EYS: variants seen among roughly 807,000 people sequenced by gnomAD.
The protein encoded by EYS is EGF-like photoreceptor maintenance factor.
Under a neutral mutation model 282.1 loss-of-function variants are expected in EYS, and 250 were observed. The observed-to-expected ratio is 0.89, with a 90% CI of 0.80 to 0.98. The LOEUF is 0.98. Among genes scored for constraint, EYS ranks in the 50% least tolerant of loss-of-function variants. EYS has a pLI of 0.00. For synonymous variants in EYS, 1,355 were observed against 1,282.9 expected, an observed-to-expected ratio of 1.06 and a Z score of -1.20; for missense variants, 4,016 against 3,709.0, an observed-to-expected ratio of 1.08 and a Z score of -2.15.
chr6:64,545,359 T>C (rs1430592597), intron 26 of EYS, among the ~76,000 whole-genome samples: 1 of 152,158 alleles, frequency 6.6e-6, no homozygotes, highest in East Asian at 1.9e-4. Flanking sequence ...TAGGTATTGA[T>C]GGGACGTATC....
intron 22 of EYS, among the ~76,000 whole-genome samples, chr6:64,759,160 GAAAA>G (rs55865013): frequency 0.88 from 133,683 of 151,586 alleles, 60,660 homozygotes; most frequent in Non-Finnish European, 0.99. Flanking sequence ...GAAAAGAAAA[GAAAA>G]AAAATTAGTC....
chr6:64,115,605 TAG>T (rs1344688377), intron 31 of EYS, among the ~76,000 whole-genome samples: 4 of 152,164 alleles, frequency 2.6e-5, no homozygotes, highest in Non-Finnish European at 1.5e-5. Context: ...TGGAACTGCA[TAG>T]AGTCTTTACA....
intron 10 of EYS, among the ~76,000 whole-genome samples, chr6:65,340,811 C>G (rs1335916858): frequency 6.6e-6 from 1 of 151,078 alleles, no homozygotes; most frequent in Non-Finnish European, 1.5e-5. Context: ...GTCTGGTGGT[C>G]TTTTGGAGGG....
intron 8 of EYS, among the ~76,000 whole-genome samples, chr6:65,379,602 G>A (rs1314122980): frequency 1.3e-5 from 2 of 152,006 alleles, no homozygotes; most frequent in African/African-American, 4.8e-5. Flanking sequence ...ACATAATGTT[G>A]GAAGTTCTGG....
intron 22 of EYS, among the ~76,000 whole-genome samples, chr6:64,687,858 T>A (rs1344402282): frequency 6.6e-6 from 1 of 152,186 alleles, no homozygotes; most frequent in African/African-American, 2.4e-5. Context: ...CCTGGAATTT[T>A]TTTTGGTTGG....
chr6:65,550,143 C>CTTTTTTTT lies in EYS; in HGVS notation c.-332-54158_-332-54151dup, dbSNP rs1048251073. Among the ~76,000 whole-genome samples, 15 of 5,932 alleles carry CTTTTTTTT rather than the reference C, an allele frequency of 2.5e-3. 1 individual carries two copies. The highest frequency in any genetic ancestry group is 3.0e-3 in the Admixed American group (1 of 338). The allele number at this position is 5,932 out of a possible 152,430, so 3.9% of individuals were successfully genotyped here. A position where few individuals can be genotyped will look rare whatever the true frequency, so the allele number is the denominator to read the frequency against. ...AAGTTAGTATCTGACTCTACTATAT[C>CTTTTTTTT]TTTTTTTTTTTTTTTTTTTTTTTTT... On this transcript the variant is annotated intron_variant, in intron 2 of 42. Coordinates refer to ENST00000503581, the MANE Select transcript of EYS (RefSeq NM_001142800.2).
intron 29 of EYS, among the ~76,000 whole-genome samples, chr6:64,360,380 C>A (rs1771963148): frequency 6.6e-6 from 1 of 151,654 alleles, no homozygotes; most frequent in Admixed American, 6.6e-5. Flanking sequence ...GAACACAGGC[C>A]ATCACTGGAG....
At chr6:64,862,320 G>T (rs1167287117) in intron 19 of EYS, among the ~76,000 whole-genome samples, 1 of 152,084 alleles carries the variant, frequency 6.6e-6, no homozygotes, top group African/African-American at 2.4e-5. Context: ...GTGTATGAAG[G>T]TTTGTCTTGT....
intron 12 of EYS, among the ~76,000 whole-genome samples, chr6:65,271,964 AT>A (rs918918163): frequency 1.3e-5 from 2 of 152,122 alleles, no homozygotes; most frequent in African/African-American, 4.8e-5. Flanking sequence ...CCTGAATTTG[AT>A]TTTCAGCATT....
intron 24 of EYS, among the ~76,000 whole-genome samples, chr6:64,598,033 A>G (rs2149836345): frequency 6.6e-6 from 1 of 152,358 alleles, no homozygotes; most frequent in Non-Finnish European, 1.5e-5. Flanking sequence ...ACTAAAAATA[A>G]AAGAACAAAA....
intron 28 of EYS, among the ~76,000 whole-genome samples, chr6:64,430,353 C>G (rs776474181): frequency 6.6e-6 from 1 of 151,942 alleles, no homozygotes; most frequent in Non-Finnish European, 1.5e-5. Context: ...GCCAGTACGC[C>G]GGGTGAATCC....
At chr6:64,964,657 T>C (rs1299270364) in intron 14 of EYS, among the ~76,000 whole-genome samples, 2 of 152,102 alleles carry the variant, frequency 1.3e-5, no homozygotes, top group Non-Finnish European at 2.9e-5. Flanking sequence ...CAAAATAACA[T>C]AAAATATGTC....
At chr6:65,013,611 C>T (rs1046353063) in intron 13 of EYS, among the ~76,000 whole-genome samples, 1 of 152,098 alleles carries the variant, frequency 6.6e-6, no homozygotes, top group African/African-American at 2.4e-5. Flanking sequence ...TGCAGTGGCT[C>T]ACAACTGTAT....
intron 31 of EYS, among the ~76,000 whole-genome samples, chr6:64,193,835 C>CT (rs1174805506): frequency 6.6e-6 from 1 of 152,040 alleles, no homozygotes. Context: ...TGAACTCATC[C>CT]TTTTTTATGG....
At chr6:65,694,756 A>C (rs960565502) in intron 1 of EYS, among the ~76,000 whole-genome samples, 15 of 139,514 alleles carry the variant, frequency 1.1e-4, no homozygotes, top group Non-Finnish European at 2.2e-4. Context: ...AAAAAAAAAA[A>C]AACTTTGTAA....
chr6:65,269,094 GCT>G (rs1157865653), intron 12 of EYS, among the ~76,000 whole-genome samples: 3 of 151,784 alleles, frequency 2.0e-5, no homozygotes, highest in African/African-American at 7.3e-5. Flanking sequence ...TTGACTCTAG[GCT>G]CTGTTTGTCA....
At chr6:65,306,005 A>C (rs1413414442) in intron 11 of EYS, among the ~76,000 whole-genome samples, 1 of 151,966 alleles carries the variant, frequency 6.6e-6, no homozygotes, top group Non-Finnish European at 1.5e-5. Context: ...TTCTGAATTG[A>C]GTTTTCTTTT....
intron 35 of EYS, among the ~76,000 whole-genome samples, chr6:63,897,008 C>T (rs1773551789): frequency 6.6e-6 from 1 of 152,126 alleles, no homozygotes; most frequent in Non-Finnish European, 1.5e-5. Context: ...AGTTATTTTT[C>T]ATAATGCAAA....
chr6:65,388,739 G>C (rs768878137), intron 7 of EYS, among the ~76,000 whole-genome samples: 4 of 151,990 alleles, frequency 2.6e-5, no homozygotes, highest in Non-Finnish European at 5.9e-5. Flanking sequence ...CCCCTGAATG[G>C]CATTGGCAGA....
Sources: allele counts gnomAD v4.1 joint callset (sites outside exome capture counted in the v4.1 genomes callset), GRCh38; gene constraint gnomAD v4.1.1; transcripts MANE v1.5; gene names NCBI Gene and HGNC (gene_info 2026-07-23, HGNC 2026-07-21).